Variants in MYO9A observed in about 807,000 individuals in gnomAD.
MYO9A encodes the protein unconventional myosin-IXa.
MYO9A carries 103 observed loss-of-function variants against 293.3 expected under a neutral mutation model. The observed-to-expected ratio is 0.35, with a 90% CI of 0.30 to 0.41. The LOEUF is 0.41. Among genes scored for constraint, MYO9A ranks in the 10% least tolerant of loss-of-function variants. The pLI is 1.00. For synonymous variants in MYO9A, 1,001 were observed against 1,035.7 expected (o/e 0.97, Z 0.64); for missense variants, 2,685 against 3,033.0 (o/e 0.89, Z 2.69).
chr15:71,865,795 CTAAA>C (rs1241827914), intron 32 of MYO9A, among the ~76,000 whole-genome samples: 2 of 152,180 alleles, frequency 1.3e-5, no homozygotes, highest in African/African-American at 2.4e-5. Flanking sequence ...GTTAAAATGG[CTAAA>C]TAGTTAAATT....
intron 1 of MYO9A, among the ~76,000 whole-genome samples, chr15:72,112,785 A>C (rs1338861255): frequency 6.6e-6 from 1 of 152,232 alleles, no homozygotes. Flanking sequence ...TGGATTAGTG[A>C]CTAGAAGAAG....
rs2054470999 is a variant in MYO9A, at chr15:71,825,992, TTTG to T, written c.*585_*587del. On this transcript the variant is annotated 3_prime_UTR_variant, in exon 42 of 42. Coordinates refer to ENST00000356056, the MANE Select transcript of MYO9A (RefSeq NM_006901.4). ...TTAATGGAAACAATCACGGTTTTTT[TTTG>T]TTTTTTTTTTTTTGTTTTTTTTTTT... The T allele has an allele frequency of 8.6e-6, 1 of 116,646 alleles. No individual in the cohort carries two copies. The highest frequency in any genetic ancestry group is 1.7e-5 in the Non-Finnish European group (1 of 60,306). 7.2% of individuals were successfully genotyped at this position (116,646 alleles called of 1,614,324 possible). A position where few individuals can be genotyped will look rare whatever the true frequency, so the allele number is the denominator to read the frequency against.
intron 1 of MYO9A, among the ~76,000 whole-genome samples, chr15:72,104,542 A>C (rs1235042185): frequency 6.6e-6 from 1 of 152,258 alleles, no homozygotes; most frequent in African/African-American, 2.4e-5. Context: ...CCTACACATC[A>C]GGAAGTTGGT....
intron 1 of MYO9A, among the ~76,000 whole-genome samples, chr15:72,065,297 C>T (rs2078986261): frequency 6.6e-6 from 1 of 152,022 alleles, no homozygotes; most frequent in African/African-American, 2.4e-5. Flanking sequence ...AGGCAGAACA[C>T]CTGAGGTCGG....
intron 11 of MYO9A, among the ~76,000 whole-genome samples, chr15:71,990,466 A>G (rs2076511763): frequency 6.6e-6 from 1 of 152,086 alleles, no homozygotes; most frequent in African/African-American, 2.4e-5. Flanking sequence ...ATTGAAAGAC[A>G]AGATTTAGGC....
chr15:71,975,702 G>A (rs184500000), intron 12 of MYO9A, among the ~76,000 whole-genome samples: 217 of 152,230 alleles, frequency 1.4e-3, no homozygotes, highest in African/African-American at 5.0e-3. Flanking sequence ...AGGAAAGAAT[G>A]CTGCACAGAG....
intron 6 of MYO9A, among the ~76,000 whole-genome samples, chr15:72,016,809 A>G (rs2149105031): frequency 6.6e-6 from 1 of 152,290 alleles, no homozygotes; most frequent in Admixed American, 6.5e-5. Flanking sequence ...TCTAAAGGGA[A>G]AGATGGGTAA....
intron 35 of MYO9A, among the ~76,000 whole-genome samples, 163 bp downstream of exon 35, chr15:71,854,212 CAA>C (rs911832207): frequency 1.3e-5 from 2 of 151,986 alleles, no homozygotes; most frequent in Admixed American, 6.5e-5. Context: ...CAAATGAAAC[CAA>C]AGACTCTTTA....
chr15:71,935,771 T>G (rs2058623179), intron 16 of MYO9A, among the ~76,000 whole-genome samples: 1 of 152,108 alleles, frequency 6.6e-6, no homozygotes, highest in African/African-American at 2.4e-5. Context: ...AACTAGTAAC[T>G]AATAAAATGG....
At chr15:72,015,353 A>T (rs1011146602) in intron 6 of MYO9A, among the ~76,000 whole-genome samples, 1 of 152,184 alleles carries the variant, frequency 6.6e-6, no homozygotes, top group African/African-American at 2.4e-5. Flanking sequence ...TGAAAACATT[A>T]TGGTTTCAGG....
At chr15:72,029,898 G>A (rs1047187293) in intron 3 of MYO9A, among the ~76,000 whole-genome samples, 1 of 152,062 alleles carries the variant, frequency 6.6e-6, no homozygotes, top group African/African-American at 2.4e-5. Context: ...TGACTCTTAA[G>A]CTGTATTTCT....
In MYO9A at chr15:71,862,024, G is replaced by A. The variant is rs149736484; in HGVS notation, c.6091+476C>T. On this transcript the variant is annotated intron_variant, in intron 33 of 41. Transcript: ENST00000356056. ...CACATGCCTGTAATCCCAGCTACTC[G>A]GGAGGCTGAGGCAGGGAGAATCACT... Among the ~76,000 whole-genome samples, 51 of 152,236 alleles carry A rather than the reference G, an allele frequency of 3.4e-4. No homozygotes were observed. The East Asian group carries it at 8.9e-3, about 27-fold the overall frequency.
intron 39 of MYO9A, among the ~76,000 whole-genome samples, chr15:71,833,924 TAAAG>T (rs891492240): frequency 1.2e-4 from 18 of 151,756 alleles, no homozygotes; most frequent in South Asian, 2.1e-4. Context: ...ATTAATTAAT[TAAAG>T]AATTAATTAA....
intron 31 of MYO9A, among the ~76,000 whole-genome samples, chr15:71,876,149 T>TG (rs71281962): frequency 1.1e-5 from 1 of 89,052 alleles, no homozygotes; most frequent in African/African-American, 3.7e-5. Flanking sequence ...CATTAATTGA[T>TG]TTTTTTTTTT....
At position 71,916,386 on chromosome 15, in the gene MYO9A, AT is replaced by A; in HGVS notation, c.2668del (p.Ile890SerfsTer9). The A allele has an allele frequency of 6.2e-7, 1 of 1,613,010 alleles. No homozygotes were observed. The highest frequency in any genetic ancestry group is 8.5e-7 in the Non-Finnish European group (1 of 1,179,728). Reference protein sequence around the residue: ...HLHKKKKPPSISAQFQASLSK... With the variant: ...HLHKKKKPPSXSAQFQASLSK... ...AGAAATAACCTGAAACTGGGCACTG[AT>A]GCTGGGAGGTTTTTTCTTCTTGTGT... On this transcript the variant is annotated frameshift_variant, in exon 19 of 42. Coordinates refer to ENST00000356056, the MANE Select transcript of MYO9A (RefSeq NM_006901.4). LOFTEE classifies it high-confidence loss of function.
In MYO9A at chr15:71,960,066, G is replaced by A. The variant is rs1316055078; in HGVS notation, c.2017C>T (p.Arg673Cys). 5.0e-6 allele frequency: 8 copies of A among 1,613,902 alleles called. 2 individuals are homozygous for A. Among genetic ancestry groups the A allele is most frequent in the South Asian group, 2.2e-5 (2 of 91,060 alleles). The change falls in exon 14 of 42, where the codon CGC (arginine) becomes TGC (cysteine). Residue 673 changes from arginine (R) to cysteine (C), a missense_variant. By Grantham distance (180) the Arg-to-Cys change is radical. Transcript: ENST00000356056. Reference protein sequence around the residue: ...DFREKNTDHMRPDIVALLRSS... With the variant: ...DFREKNTDHMCPDIVALLRSS... ...CTCAGAAGAGCTACAATGTCTGGGC[G>A]CATATGATCTGTATTTTTTTCCCGG...
Position 71,878,099 on chromosome 15 carries a change from T to C in MYO9A, c.5872A>G (p.Lys1958Glu). 6.2e-7 allele frequency: 1 copy of C among 1,611,512 alleles called. No homozygotes were observed. The highest frequency in any genetic ancestry group is 2.2e-5 in the East Asian group (1 of 44,840). Residue 1958 changes from lysine (K) to glutamate (E), a missense_variant, in exon 31 of 42, where the codon AAA (lysine) becomes GAA (glutamate). By Grantham distance (56) the Lys-to-Glu change is moderately conservative. Coordinates refer to ENST00000356056, the MANE Select transcript of MYO9A (RefSeq NM_006901.4). ...TTCATATATTCATCTAAAAACACTT[T>C]AAAAGTGTTGACCCAAACTCTCACT... ...SPVRVWVNTF[K>E]VFLDEYMNEF...
In MYO9A at chr15:71,851,268, A is replaced by T; in HGVS notation, c.6566T>A (p.Ile2189Asn). 6.2e-7 allele frequency: 1 copy of T among 1,613,664 alleles called. No homozygotes were observed. The highest frequency in any genetic ancestry group is 1.1e-5 in the South Asian group (1 of 90,962). ...RTHLNTLERLIFHLVRIALQE... is the reference protein window; with the variant it reads ...RTHLNTLERLNFHLVRIALQE... ...TTAAAGTTACCTGACTAGATGAAAG[A>T]TGAGGCGTTCCAGTGTATTGAGATG... The change falls in exon 37 of 42, where the codon ATC becomes AAC. Residue 2189 changes from isoleucine (I) to asparagine (N), a missense_variant. Ile to Asn is a moderately radical substitution (Grantham distance 149, BLOSUM62 -3). Coordinates refer to ENST00000356056, the MANE Select transcript of MYO9A (RefSeq NM_006901.4).
At chr15:72,086,657 G>A (rs1231192466) in intron 1 of MYO9A, among the ~76,000 whole-genome samples, 1 of 152,012 alleles carries the variant, frequency 6.6e-6, no homozygotes, top group Non-Finnish European at 1.5e-5. Context: ...GGCCGGGGCA[G>A]TGGTCTGTGG....
Sources: allele counts gnomAD v4.1 joint callset (sites outside exome capture counted in the v4.1 genomes callset), GRCh38; gene constraint gnomAD v4.1.1; transcripts MANE v1.5; gene names NCBI Gene and HGNC (gene_info 2026-07-23, HGNC 2026-07-21).